The following WWTR1 variants were observed in gnomAD, a reference collection of about 807,000 sequenced individuals.
WWTR1 encodes the protein WW domain containing transcription regulator 1, also known as WW domain-containing transcription regulator protein 1.
Under a neutral mutation model 40.1 loss-of-function variants are expected in WWTR1, and 13 were observed. The observed-to-expected ratio is 0.32, with a 90% CI of 0.21 to 0.52. The LOEUF is 0.52. WWTR1 is among the 20% of genes least tolerant of loss of function. The pLI is 0.97. For synonymous variants in WWTR1, 230 were observed against 210.1 expected (o/e 1.09, Z -0.82); for missense variants, 436 against 523.1 (o/e 0.83, Z 1.63).
chr3:149,523,120 G>A (rs997334881), intron 6 of WWTR1, among the ~76,000 whole-genome samples: 1 of 151,810 alleles, frequency 6.6e-6, no homozygotes, highest in Non-Finnish European at 1.5e-5. Flanking sequence ...GAAGGCATGA[G>A]GATACTGGCT....
intron 2 of WWTR1, among the ~76,000 whole-genome samples, chr3:149,593,279 G>T (rs1360003037): frequency 6.6e-6 from 1 of 152,194 alleles, no homozygotes; most frequent in Non-Finnish European, 1.5e-5. Flanking sequence ...GTGCTGTCTG[G>T]TGGCTTTTGT....
intron 5 of WWTR1, among the ~76,000 whole-genome samples, chr3:149,715,298 G>A (rs1345093981): frequency 6.6e-6 from 1 of 152,218 alleles, no homozygotes; most frequent in Admixed American, 6.5e-5. Flanking sequence ...CTCCCTCTTT[G>A]GGGGCCTGCA....
At chr3:149,538,409 C>T (rs536841410) in intron 4 of WWTR1, among the ~76,000 whole-genome samples, 6 of 152,074 alleles carry the variant, frequency 3.9e-5, no homozygotes, top group Admixed American at 2.6e-4. Flanking sequence ...AACTCTATCA[C>T]AGACAAAAGA....
At chr3:149,633,786 G>A (rs1409602890) in intron 2 of WWTR1, among the ~76,000 whole-genome samples, 1 of 152,106 alleles carries the variant, frequency 6.6e-6, no homozygotes, top group Non-Finnish European at 1.5e-5. Context: ...CAGGGAAGGG[G>A]TACAAGCACT....
intron 1 of WWTR1, among the ~76,000 whole-genome samples, chr3:149,694,203 C>A (rs1302850208): frequency 6.6e-6 from 1 of 152,140 alleles, no homozygotes; most frequent in South Asian, 2.1e-4. Context: ...ACCAGCCTGA[C>A]CAACATGGGG....
At chr3:149,522,949 C>T (rs1414792215) in intron 6 of WWTR1, among the ~76,000 whole-genome samples, 3 of 151,970 alleles carry the variant, frequency 2.0e-5, no homozygotes, top group Middle Eastern at 3.4e-3. Flanking sequence ...CCCTGTAATC[C>T]CAGCTACTCA....
chr3:149,669,599 A>G (rs1360689411), intron 2 of WWTR1, among the ~76,000 whole-genome samples: 1 of 152,240 alleles, frequency 6.6e-6, no homozygotes, highest in Non-Finnish European at 1.5e-5. Flanking sequence ...TTCTGAAAAC[A>G]GACAAAGGTA....
intron 3 of WWTR1, among the ~76,000 whole-genome samples, chr3:149,568,523 C>CAAAAAAAAAAAAAAAAAAAAAAAAAAAAA (rs34414853): frequency 6.2e-5 from 4 of 64,804 alleles, no homozygotes; most frequent in African/African-American, 1.5e-4. Context: ...AATTAAAGTG[C>CAAAAAAAAAAAAAAAAAAAAAAAAAAAAA]AAAAAAAAAA....
chr3:149,597,494 A>T (rs984077047), intron 2 of WWTR1, among the ~76,000 whole-genome samples: 1 of 151,858 alleles, frequency 6.6e-6, no homozygotes, highest in African/African-American at 2.4e-5. Context: ...AAGAAAAATT[A>T]TCTATCTAGG....
chr3:149,683,426 G>C (rs1188416311), intron 1 of WWTR1, among the ~76,000 whole-genome samples: 1 of 152,198 alleles, frequency 6.6e-6, no homozygotes, highest in Non-Finnish European at 1.5e-5. Context: ...GGGTACAGGG[G>C]CTCATGCCTG....
chr3:149,640,005 A>AAG (rs1316465723), intron 2 of WWTR1, among the ~76,000 whole-genome samples: 1 of 150,432 alleles, frequency 6.6e-6, no homozygotes, highest in Non-Finnish European at 1.5e-5. Context: ...AAAAAAAAAA[A>AAG]AAAAAAAAGA....
At chr3:149,593,989 C>A (rs59383374) in intron 2 of WWTR1, among the ~76,000 whole-genome samples, 2 of 152,048 alleles carry the variant, frequency 1.3e-5, no homozygotes, top group Non-Finnish European at 2.9e-5. Context: ...CTGGAAGGGG[C>A]GCTTTTTGGA....
intron 1 of WWTR1, 172 bp from the exon 2 acceptor site, chr3:149,657,481 A>G (rs1713319657): frequency 1.3e-6 from 1 of 761,580 alleles, no homozygotes; most frequent in Non-Finnish European, 2.1e-6. Context: ...GACCAGCAGG[A>G]TGGGGGAGGG....
chr3:149,591,512 C>G (rs1486332120), intron 2 of WWTR1, among the ~76,000 whole-genome samples: 2 of 152,042 alleles, frequency 1.3e-5, no homozygotes, highest in Non-Finnish European at 1.5e-5. Flanking sequence ...AGCTATGTAA[C>G]CAGCCTTTAT....
At chr3:149,526,160 G>A in intron 5 of WWTR1, 35 bp from the exon 6 acceptor site, 13 of 1,470,146 alleles carry the variant, frequency 8.8e-6, no homozygotes, top group Non-Finnish European at 1.1e-5. Context: ...TTCAATATGA[G>A]CCCACTAAAT....
chr3:149,602,184 G>A (rs1034153642), intron 2 of WWTR1, among the ~76,000 whole-genome samples: 4 of 152,172 alleles, frequency 2.6e-5, no homozygotes, highest in Admixed American at 6.5e-5. Context: ...ATGTATCTAC[G>A]TAGGGCTAAG....
At chr3:149,555,493 A>G (rs1016324909) in intron 3 of WWTR1, among the ~76,000 whole-genome samples, 3 of 152,094 alleles carry the variant, frequency 2.0e-5, no homozygotes, top group Non-Finnish European at 4.4e-5. Flanking sequence ...GGAAAAAAAA[A>G]AAAAACGAAA....
At chr3:149,536,989 G>A (rs913630657) in intron 4 of WWTR1, among the ~76,000 whole-genome samples, 9 of 152,110 alleles carry the variant, frequency 5.9e-5, no homozygotes, top group Non-Finnish European at 1.3e-4. Flanking sequence ...ACTCTCTTCA[G>A]GTAAAGCCAT....
intron 2 of WWTR1, among the ~76,000 whole-genome samples, chr3:149,635,856 G>A (rs1319262320): frequency 6.6e-6 from 1 of 152,132 alleles, no homozygotes; most frequent in Non-Finnish European, 1.5e-5. Flanking sequence ...AAAAGGCAAT[G>A]TTGAATATAT....
Sources: allele counts gnomAD v4.1 joint callset (sites outside exome capture counted in the v4.1 genomes callset), GRCh38; gene constraint gnomAD v4.1.1; transcripts MANE v1.5; gene names NCBI Gene and HGNC (gene_info 2026-07-23, HGNC 2026-07-21).